Variants in SAMD12 observed in about 807,000 individuals in gnomAD.
The protein encoded by SAMD12 is sterile alpha motif domain containing 12.
A neutral mutation model predicts 15.0 loss-of-function variants in SAMD12; 9 were observed. The ratio of observed to expected loss-of-function variants is 0.60; its 90% CI spans 0.36 to 1.05. SAMD12 has a LOEUF of 1.05. Ranked by LOEUF, SAMD12 falls within the 50% of genes least tolerant of loss-of-function variation. The pLI is 0.01. For synonymous variants in SAMD12, 86 were observed against 90.1 expected, an observed-to-expected ratio of 0.96 and a Z score of 0.25; for missense variants, 230 against 234.2, an observed-to-expected ratio of 0.98 and a Z score of 0.12.
chr8:118,605,370 AC>A (rs1827960249), intron 1 of SAMD12, among the ~76,000 whole-genome samples: 1 of 152,230 alleles, frequency 6.6e-6, no homozygotes. Context: ...TTTATCAACA[AC>A]TATTAAGATT....
exon 5 of SAMD12, chr8:118,192,269 C>G (rs1819426762): frequency 1.3e-5 from 2 of 152,078 alleles, no homozygotes; most frequent in Non-Finnish European, 2.9e-5. Context: ...TCTGTTTGCT[C>G]TCATGCATCC....
intron 4 of SAMD12, among the ~76,000 whole-genome samples, chr8:118,314,722 G>A (rs1169605173): frequency 6.6e-6 from 1 of 152,142 alleles, no homozygotes; most frequent in Non-Finnish European, 1.5e-5. Flanking sequence ...CCATGTTTCA[G>A]TAGTTTGTTC....
chr8:118,406,479 G>A (rs1011059655), intron 3 of SAMD12, among the ~76,000 whole-genome samples: 2 of 151,914 alleles, frequency 1.3e-5, no homozygotes, highest in South Asian at 2.1e-4. Flanking sequence ...TTGCCATGTT[G>A]TCCAGGCTAG....
At chr8:118,456,486 A>C (rs1467175160) in intron 2 of SAMD12, among the ~76,000 whole-genome samples, 1 of 152,226 alleles carries the variant, frequency 6.6e-6, no homozygotes, top group African/African-American at 2.4e-5. Flanking sequence ...TGAATTATAC[A>C]ATAAGTATGG....
chr8:118,331,717 T>G (rs1816813598), intron 4 of SAMD12, among the ~76,000 whole-genome samples: 1 of 152,208 alleles, frequency 6.6e-6, no homozygotes, highest in Non-Finnish European at 1.5e-5. Flanking sequence ...ATGTAAATAT[T>G]AATCTTGAAA....
At position 118,289,471 on chromosome 8, in the gene SAMD12, T is replaced by C. The variant is rs145309389; in HGVS notation, c.433+90089A>G. On this transcript the variant is annotated intron_variant, in intron 4 of 4. Transcript: ENST00000409003. ...TATTTTCCAAATGCAAGTTGAATGA[T>C]ATGAAGGGTCTAGGTGGCATTCAGC... 1.6e-3 allele frequency among the ~76,000 whole-genome samples: 245 copies of C among 152,322 alleles called. 2 individuals carry two copies. Among genetic ancestry groups the C allele is most frequent in the Middle Eastern group, 0.014 (4 of 294 alleles).
the SAMD12 span, among the ~76,000 whole-genome samples, chr8:118,176,714 T>C: frequency 2.6e-5 from 4 of 152,118 alleles, no homozygotes; most frequent in Non-Finnish European, 5.9e-5. Context: ...TTATCCTGAT[T>C]ATCTGGGTGA....
chr8:118,482,591 C>A (rs570746918), intron 2 of SAMD12, among the ~76,000 whole-genome samples: 1 of 152,100 alleles, frequency 6.6e-6, no homozygotes, highest in South Asian at 2.1e-4. Context: ...TGTAAGTAAT[C>A]TAGAGATTAA....
the SAMD12 span, among the ~76,000 whole-genome samples, chr8:118,146,170 A>G: frequency 6.6e-6 from 1 of 152,192 alleles, no homozygotes; most frequent in Non-Finnish European, 1.5e-5. Flanking sequence ...CCTGGATTAT[A>G]AGTAGGAGTT....
At chr8:118,513,222 T>A (rs955606375) in intron 2 of SAMD12, among the ~76,000 whole-genome samples, 1 of 152,090 alleles carries the variant, frequency 6.6e-6, no homozygotes, top group East Asian at 1.9e-4. Context: ...CACCAGCCCA[T>A]CCCAAATGCA....
intron 3 of SAMD12, among the ~76,000 whole-genome samples, chr8:118,400,973 G>A (rs1820840904): frequency 6.6e-6 from 1 of 152,214 alleles, no homozygotes; most frequent in Non-Finnish European, 1.5e-5. Context: ...GATGTCAAAT[G>A]TTACAACTTC....
chr8:118,312,994 G>C (rs1339989153), intron 4 of SAMD12, among the ~76,000 whole-genome samples: 1 of 152,144 alleles, frequency 6.6e-6, no homozygotes, highest in East Asian at 1.9e-4. Flanking sequence ...CACATTGGTA[G>C]GGAGACAACC....
At chr8:118,600,245 C>G (rs748629563) in intron 1 of SAMD12, among the ~76,000 whole-genome samples, 1 of 151,682 alleles carries the variant, frequency 6.6e-6, no homozygotes, top group African/African-American at 2.4e-5. Context: ...ATGATACTGC[C>G]TCCATACACA....
At chr8:118,296,042 G>A (rs931525723) in intron 4 of SAMD12, among the ~76,000 whole-genome samples, 2 of 152,044 alleles carry the variant, frequency 1.3e-5, no homozygotes, top group African/African-American at 4.8e-5. Flanking sequence ...CAAAATATAG[G>A]TAATAGAAAA....
chr8:118,335,430 A>C (rs1053954092), intron 4 of SAMD12, among the ~76,000 whole-genome samples: 2 of 152,234 alleles, frequency 1.3e-5, no homozygotes, highest in Non-Finnish European at 2.9e-5. Context: ...CTTGACATAA[A>C]GCTACTTTGT....
In SAMD12 at chr8:118,505,301, GCTT is replaced by G. The variant is rs528887607; in HGVS notation, c.193-65343_193-65341del. Among the ~76,000 whole-genome samples, 60 of 151,376 alleles carry G rather than the reference GCTT, an allele frequency of 4.0e-4. No individual in the cohort carries two copies. In the South Asian group the frequency reaches 0.012, roughly 30 times the overall value. ...CTCACATTGGGAATTGGTGCTGCTG[GCTT>G]CTTTAGTATCTATTGTCTCCTTTCT... On this transcript the variant is annotated intron_variant, in intron 2 of 3. Coordinates refer to ENST00000314727, the MANE Select transcript of SAMD12 (RefSeq NM_207506.3).
chr8:118,357,595 G>A (rs1169695467), intron 4 of SAMD12, among the ~76,000 whole-genome samples: 1 of 152,104 alleles, frequency 6.6e-6, no homozygotes, highest in African/African-American at 2.4e-5. Context: ...TGATGGATAT[G>A]TTAATTAGCC....
chr8:118,600,922 A>T (rs1167580616), intron 1 of SAMD12, among the ~76,000 whole-genome samples: 1 of 152,196 alleles, frequency 6.6e-6, no homozygotes, highest in African/African-American at 2.4e-5. Flanking sequence ...TCAAGCCAAG[A>T]ACTAAGGCAC....
At chr8:118,585,181 G>A (rs1199614774) in intron 1 of SAMD12, among the ~76,000 whole-genome samples, 2 of 152,168 alleles carry the variant, frequency 1.3e-5, no homozygotes, top group African/African-American at 4.8e-5. Flanking sequence ...ATGCTAAAGT[G>A]AAATATGCCA....
Sources: allele counts gnomAD v4.1 joint callset (sites outside exome capture counted in the v4.1 genomes callset), GRCh38; gene constraint gnomAD v4.1.1; transcripts MANE v1.5; gene names NCBI Gene and HGNC (gene_info 2026-07-23, HGNC 2026-07-21).